The following TRAPPC9 variants were observed in gnomAD, a reference collection of about 807,000 sequenced individuals.
TRAPPC9 encodes trafficking protein particle complex subunit 9.
Under a neutral mutation model 124.0 loss-of-function variants are expected in TRAPPC9, and 83 were observed. The ratio of observed to expected loss-of-function variants is 0.67; its 90% CI spans 0.56 to 0.80. TRAPPC9 has a LOEUF of 0.80. Among genes scored for constraint, TRAPPC9 ranks in the 30% least tolerant of loss-of-function variants. The probability of loss-of-function intolerance (pLI) is 0.00; values close to 1 mark genes in which losing one functional copy is unlikely to be tolerated. For missense variants in TRAPPC9, 1,302 were observed against 1,508.3 expected (o/e 0.86, Z 2.27); for synonymous variants, 638 against 617.5 (o/e 1.03, Z -0.49).
intron 21 of TRAPPC9, among the ~76,000 whole-genome samples, chr8:139,749,478 C>T (rs1819170722): frequency 6.6e-6 from 1 of 152,172 alleles, no homozygotes; most frequent in African/African-American, 2.4e-5. Context: ...ATTTCATGTT[C>T]TCATCTCTGG....
At chr8:140,125,136 T>G (rs1422284005) in intron 17 of TRAPPC9, among the ~76,000 whole-genome samples, 1 of 152,136 alleles carries the variant, frequency 6.6e-6, no homozygotes, top group Non-Finnish European at 1.5e-5. Context: ...TAGCAGGAGC[T>G]GGGCCGATGG....
intron 17 of TRAPPC9, among the ~76,000 whole-genome samples, chr8:140,139,393 G>C (rs979416035): frequency 6.6e-6 from 1 of 152,168 alleles, no homozygotes; most frequent in Non-Finnish European, 1.5e-5. Context: ...CTCATAAAGA[G>C]AGACACAGAA....
intron 17 of TRAPPC9, among the ~76,000 whole-genome samples, chr8:140,093,372 G>T (rs1844701194): frequency 6.6e-6 from 1 of 152,176 alleles, no homozygotes; most frequent in African/African-American, 2.4e-5. Flanking sequence ...ACAACTATTA[G>T]AAACAAGGCT....
intron 5 of TRAPPC9, among the ~76,000 whole-genome samples, chr8:140,407,070 G>C (rs2069520698): frequency 6.6e-6 from 1 of 152,204 alleles, no homozygotes; most frequent in South Asian, 2.1e-4. Context: ...AGCGGAAGCA[G>C]GACCTACGTC....
chr8:140,282,831 A>G (rs936212985), intron 14 of TRAPPC9, among the ~76,000 whole-genome samples: 2 of 152,218 alleles, frequency 1.3e-5, no homozygotes, highest in Non-Finnish European at 2.9e-5. Context: ...AAATATCACA[A>G]CAAATCATTT....
At position 140,063,824 on chromosome 8, in the gene TRAPPC9, G is replaced by C. The variant is rs989308714; in HGVS notation, c.2557-39745C>G. ...AGTGGCCCATGTTGCCTGCTCTCTTGTCACCCTTTCGGGTTCACAATTTGC... is the reference window on the plus strand; with the variant it reads ...AGTGGCCCATGTTGCCTGCTCTCTTCTCACCCTTTCGGGTTCACAATTTGC... On this transcript the variant is annotated intron_variant, in intron 17 of 22. Transcript: ENST00000438773. The surrounding 1 kb of genome is among the most constrained non-coding windows in gnomAD (Gnocchi z 4.3). Among the ~76,000 whole-genome samples the C allele has an allele frequency of 6.6e-6, 1 of 152,062 alleles. No individual in the cohort carries two copies. The highest frequency in any genetic ancestry group is 1.5e-5 in the Non-Finnish European group (1 of 68,036).
At chr8:139,824,400 T>A (rs1260844074) in intron 21 of TRAPPC9, among the ~76,000 whole-genome samples, 1 of 152,128 alleles carries the variant, frequency 6.6e-6, no homozygotes, top group Non-Finnish European at 1.5e-5. Context: ...GGCTAAGGCC[T>A]TGGAGCTGCC....
intron 21 of TRAPPC9, among the ~76,000 whole-genome samples, chr8:139,827,502 G>A (rs1396238098): frequency 6.6e-6 from 1 of 152,226 alleles, no homozygotes; most frequent in Non-Finnish European, 1.5e-5. Context: ...AAGGGAGATG[G>A]CCACAGAGAC....
At chr8:140,004,574 A>G (rs1319122299) in intron 18 of TRAPPC9, among the ~76,000 whole-genome samples, 1 of 152,196 alleles carries the variant, frequency 6.6e-6, no homozygotes. Flanking sequence ...AGTGAAAAAA[A>G]GTAAGTGAAA....
intron 19 of TRAPPC9, among the ~76,000 whole-genome samples, chr8:139,918,786 C>T (rs143330531): frequency 1.3e-5 from 2 of 152,344 alleles, no homozygotes; most frequent in East Asian, 3.9e-4. Context: ...AAATGGAATT[C>T]ACCTAATGCC....
At chr8:139,911,600 G>A (rs911579855) in intron 19 of TRAPPC9, among the ~76,000 whole-genome samples, 5 of 152,188 alleles carry the variant, frequency 3.3e-5, no homozygotes, top group African/African-American at 1.2e-4. Context: ...AGCTACTCAG[G>A]AGGCTGAGTC....
chr8:140,009,501 C>T (rs1171140588), intron 18 of TRAPPC9, among the ~76,000 whole-genome samples: 1 of 152,184 alleles, frequency 6.6e-6, no homozygotes, highest in Non-Finnish European at 1.5e-5. Flanking sequence ...CCATCTTCCC[C>T]TTCTCACACA....
At chr8:139,953,447 G>C (rs1019596897) in intron 19 of TRAPPC9, among the ~76,000 whole-genome samples, 2 of 152,156 alleles carry the variant, frequency 1.3e-5, no homozygotes, top group African/African-American at 4.8e-5. Flanking sequence ...AGCCGAGATC[G>C]TGCCACTGCA....
intron 17 of TRAPPC9, among the ~76,000 whole-genome samples, chr8:140,199,916 A>G (rs1287334104): frequency 6.6e-6 from 1 of 152,218 alleles, no homozygotes; most frequent in Non-Finnish European, 1.5e-5. Context: ...GGAACTGCAT[A>G]CTACATACCC....
chr8:139,847,328 T>C (rs1314245874), intron 21 of TRAPPC9, among the ~76,000 whole-genome samples: 1 of 152,188 alleles, frequency 6.6e-6, no homozygotes, highest in East Asian at 1.9e-4. Context: ...ATGGAACCAA[T>C]TTCCATCCTG....
At chr8:140,059,236 C>G (rs1842452300) in intron 17 of TRAPPC9, among the ~76,000 whole-genome samples, 1 of 152,178 alleles carries the variant, frequency 6.6e-6, no homozygotes, top group East Asian at 1.9e-4. Context: ...CTTTCTGTGT[C>G]TGGCATCTTT....
At chr8:139,760,292 C>A (rs1044502841) in intron 21 of TRAPPC9, among the ~76,000 whole-genome samples, 2 of 152,024 alleles carry the variant, frequency 1.3e-5, no homozygotes, top group Non-Finnish European at 2.9e-5. Context: ...GGCTTTCCCC[C>A]CATTGCTGAA....
intron 21 of TRAPPC9, among the ~76,000 whole-genome samples, chr8:139,851,364 A>C (rs1166046040): frequency 1.3e-5 from 2 of 152,136 alleles, no homozygotes; most frequent in Non-Finnish European, 2.9e-5. Flanking sequence ...ACCCACAGCA[A>C]CTCAAAAGAT....
chr8:140,002,033 A>G (rs1167770185), intron 18 of TRAPPC9, among the ~76,000 whole-genome samples: 1 of 152,218 alleles, frequency 6.6e-6, no homozygotes, highest in East Asian at 1.9e-4. Context: ...GCATTTCAAA[A>G]AGAAATAATT....
Sources: allele counts gnomAD v4.1 joint callset (sites outside exome capture counted in the v4.1 genomes callset), GRCh38; gene constraint gnomAD v4.1.1; non-coding constraint Gnocchi (gnomAD v3.1); transcripts MANE v1.5; gene names NCBI Gene and HGNC (gene_info 2026-07-23, HGNC 2026-07-21).